DCAF6: variants seen among roughly 807,000 people sequenced by gnomAD.
DCAF6 encodes the protein DDB1- and CUL4-associated factor 6.
Under a neutral mutation model 125.1 loss-of-function variants are expected in DCAF6, and 54 were observed. The observed-to-expected ratio is 0.43, with a 90% CI of 0.35 to 0.54. The LOEUF is 0.54. DCAF6 is among the 20% of genes least tolerant of loss of function. DCAF6 has a pLI of 0.01. For synonymous variants in DCAF6, 371 were observed against 390.4 expected, an observed-to-expected ratio of 0.95 and a Z score of 0.58; for missense variants, 934 against 1,161.7, an observed-to-expected ratio of 0.80 and a Z score of 2.85.
rs770312945 is a variant in DCAF6 at position 167,936,965 on chromosome 1, C to T, written c.54C>T (p.Ser18=). 1.6e-4 allele frequency: 263 copies of T among 1,611,110 alleles called. No homozygotes were observed. The highest frequency in any genetic ancestry group is 5.1e-4 in the South Asian group (46 of 90,422). Residue 18 remains serine (S), a synonymous_variant, in exon 1 of 22, where the codon TCC becomes TCT. Coordinates refer to ENST00000367840, the MANE Select transcript of DCAF6 (RefSeq NM_001198956.2). Reference sequence around the variant, plus strand: ...TGTTGTGGGACGTGAGGAAAAGGTCCCTCGGGCTGGAGGACCCGTCCCGGC... The same window carrying T: ...TGTTGTGGGACGTGAGGAAAAGGTCTCTCGGGCTGGAGGACCCGTCCCGGC... ...PHLLWDVRKR[S]LGLEDPSRLR...
intron 10 of DCAF6, among the ~76,000 whole-genome samples, chr1:168,015,070 T>G (rs1684785101): frequency 6.6e-6 from 1 of 152,220 alleles, no homozygotes; most frequent in East Asian, 1.9e-4. Context: ...AAGGACTGTT[T>G]TGTTCAATAT....
chr1:167,974,725 GATGAGAATGTTA>G, intron 3 of DCAF6, 93 bp from the exon 4 acceptor site: 1 of 819,740 alleles, frequency 1.2e-6, no homozygotes. Flanking sequence ...CTTTCACTGA[GATGAGAATGTTA>G]ATGAGAATGT....
At chr1:167,890,074 C>T in the DCAF6 span, among the ~76,000 whole-genome samples, 1 of 152,160 alleles carries the variant, frequency 6.6e-6, no homozygotes, top group Non-Finnish European at 1.5e-5. Context: ...TATTTAGTTC[C>T]TTTGGTGAGG....
chr1:167,996,264 T>C (rs1217900996), intron 7 of DCAF6, among the ~76,000 whole-genome samples: 1 of 152,152 alleles, frequency 6.6e-6, no homozygotes, highest in East Asian at 1.9e-4. Flanking sequence ...TTTTCTATCC[T>C]TTTTTCTTTT....
intron 16 of DCAF6, 113 bp from the exon 17 acceptor site, chr1:168,050,779 G>GTT: frequency 1.8e-6 from 1 of 547,086 alleles, no homozygotes; most frequent in Non-Finnish European, 2.9e-6. Flanking sequence ...GGAAACAAAA[G>GTT]TTTTTTTTTA....
At chr1:168,033,050 GTCTT>G (rs1687306856) in intron 12 of DCAF6, among the ~76,000 whole-genome samples, 1 of 151,484 alleles carries the variant, frequency 6.6e-6, no homozygotes, top group African/African-American at 2.4e-5. Flanking sequence ...GTTTTTGTAT[GTCTT>G]TGAGCATCTT....
At chr1:168,069,082 C>T (rs571272990) in intron 21 of DCAF6, among the ~76,000 whole-genome samples, 9 of 152,154 alleles carry the variant, frequency 5.9e-5, no homozygotes, top group African/African-American at 2.2e-4. Flanking sequence ...TAATAGGTAC[C>T]ATTTATAAAG....
the DCAF6 span, chr1:167,870,130 G>T: frequency 1.9e-6 from 2 of 1,058,596 alleles, no homozygotes; most frequent in East Asian, 2.4e-5. Flanking sequence ...TTAGCACAAG[G>T]GTCATGGCAT....
At chr1:168,028,868 A>G (rs1004782377) in intron 12 of DCAF6, among the ~76,000 whole-genome samples, 9 of 152,170 alleles carry the variant, frequency 5.9e-5, no homozygotes, top group South Asian at 2.1e-4. Flanking sequence ...AGCTTGCTGT[A>G]TTAATAAGAA....
At chr1:168,025,205 A>G (rs1477638172) in intron 12 of DCAF6, among the ~76,000 whole-genome samples, 3 of 152,160 alleles carry the variant, frequency 2.0e-5, no homozygotes, top group Non-Finnish European at 4.4e-5. Context: ...TACATTTAAT[A>G]TTATATTCAA....
chr1:167,905,108 C>T, the DCAF6 span: 1 of 1,614,128 alleles, frequency 6.2e-7, no homozygotes, highest in Non-Finnish European at 8.5e-7. Context: ...TGACTATGGG[C>T]CAGTCCTGGA....
chr1:167,880,104 AC>A, the DCAF6 span: 1 of 1,609,588 alleles, frequency 6.2e-7, no homozygotes. Flanking sequence ...AGATGAGCTG[AC>A]CCAGCACACC....
chr1:167,908,956 T>A, the DCAF6 span, among the ~76,000 whole-genome samples: 1 of 152,240 alleles, frequency 6.6e-6, no homozygotes, highest in African/African-American at 2.4e-5. Context: ...AAATCATAAG[T>A]GTATAGCTTG....
At chr1:167,891,682 A>G in the DCAF6 span, among the ~76,000 whole-genome samples, 2 of 150,356 alleles carry the variant, frequency 1.3e-5, no homozygotes, top group African/African-American at 2.4e-5. Context: ...GAAAGAAAGG[A>G]GAGTGTTCCC....
At chr1:167,903,780 A>G in the DCAF6 span, 1 of 786,696 alleles carries the variant, frequency 1.3e-6, no homozygotes, top group South Asian at 1.4e-5. Flanking sequence ...TTCATGGGGA[A>G]GAGGAGGAGT....
At chr1:168,015,452 GTTTC>G (rs1159480582) in intron 10 of DCAF6, among the ~76,000 whole-genome samples, 14 of 151,874 alleles carry the variant, frequency 9.2e-5, no homozygotes, top group African/African-American at 3.4e-4. Flanking sequence ...TTCAATTTCT[GTTTC>G]TTTCCTAGTA....
chr1:167,888,653 G>A, the DCAF6 span, among the ~76,000 whole-genome samples: 1 of 152,046 alleles, frequency 6.6e-6, no homozygotes, highest in Non-Finnish European at 1.5e-5. Flanking sequence ...GAGGCGGGCG[G>A]ATCACGAGGT....
chr1:168,005,765 A>G (rs938410068), intron 10 of DCAF6, among the ~76,000 whole-genome samples: 2 of 152,170 alleles, frequency 1.3e-5, no homozygotes, highest in African/African-American at 4.8e-5. Flanking sequence ...TTTTATCAGT[A>G]TATACCACTT....
chr1:167,904,971 C>G, the DCAF6 span: 1 of 1,614,212 alleles, frequency 6.2e-7, no homozygotes, highest in Non-Finnish European at 8.5e-7. Flanking sequence ...CCACATTAAA[C>G]AAACATCCCT....
Sources: allele counts gnomAD v4.1 joint callset (sites outside exome capture counted in the v4.1 genomes callset), GRCh38; gene constraint gnomAD v4.1.1; transcripts MANE v1.5; gene names NCBI Gene and HGNC (gene_info 2026-07-23, HGNC 2026-07-21).